The following CRYL1 variants were observed in gnomAD, a reference collection of about 807,000 sequenced individuals.
The protein encoded by CRYL1 is lambda-crystallin homolog.
In CRYL1, 29 loss-of-function variants were observed where a neutral mutation model predicts 36.6. The observed-to-expected ratio is 0.79, with a 90% confidence interval of 0.59 to 1.08. The LOEUF (loss-of-function observed/expected upper bound fraction) is 1.08. Ranked by LOEUF, CRYL1 falls within the 50% of genes least tolerant of loss-of-function variation. CRYL1 has a pLI of 0.00. For missense variants in CRYL1, 411 were observed against 407.9 expected, an observed-to-expected ratio of 1.01 and a Z score of -0.06; for synonymous variants, 152 against 151.5, an observed-to-expected ratio of 1.00 and a Z score of -0.02.
In CRYL1 at chr13:20,435,466, C is replaced by T. The variant is rs139193833; in HGVS notation, c.439-3170G>A. On this transcript the variant is annotated intron_variant, in intron 4 of 7. Transcript: ENST00000298248. This position sits in a 1 kb window ranked among gnomAD's most constrained non-coding sequence, Gnocchi z 4.0. ...GCCGCAAAAGGACCTTCGAGGTCTCCCGGCTGGGAAACAGTCTCCCTAACC... is the reference window on the plus strand; with the variant it reads ...GCCGCAAAAGGACCTTCGAGGTCTCTCGGCTGGGAAACAGTCTCCCTAACC... Among the ~76,000 whole-genome samples, 1 of 152,268 alleles carries T rather than the reference C, an allele frequency of 6.6e-6. No homozygotes were observed. Among genetic ancestry groups the T allele is most frequent in the Non-Finnish European group, 1.5e-5 (1 of 68,008 alleles).
chr13:20,491,777 C>A (rs926427932), intron 2 of CRYL1, among the ~76,000 whole-genome samples: 2 of 151,992 alleles, frequency 1.3e-5, no homozygotes, highest in Non-Finnish European at 2.9e-5. Context: ...GATGACAGAG[C>A]GAGACCCTGT....
intron 3 of CRYL1, 67 bp from the exon 4 acceptor site, chr13:20,439,821 T>C (rs562595467): frequency 6.8e-7 from 1 of 1,462,142 alleles, no homozygotes; most frequent in East Asian, 2.3e-5. Flanking sequence ...AAGCATTTCA[T>C]GTTTGTTTCA....
intron 5 of CRYL1, chr13:20,431,609 A>G: frequency 9.6e-7 from 1 of 1,036,592 alleles, no homozygotes; most frequent in Non-Finnish European, 1.2e-6. Context: ...ATATATTTAC[A>G]TATCATTTCC....
chr13:20,523,695 T>TG (rs1019300066), intron 1 of CRYL1, among the ~76,000 whole-genome samples: 10 of 152,046 alleles, frequency 6.6e-5, no homozygotes, highest in Admixed American at 6.6e-4. Context: ...GAGCTGGGTG[T>TG]GTGCTGAAGT....
intron 3 of CRYL1, among the ~76,000 whole-genome samples, chr13:20,446,187 C>G (rs1036681615): frequency 6.6e-6 from 1 of 152,212 alleles, no homozygotes; most frequent in Admixed American, 6.5e-5. Flanking sequence ...TCTTGGCTCA[C>G]AGCAACCTCC....
intron 3 of CRYL1, among the ~76,000 whole-genome samples, chr13:20,461,457 CT>C (rs1231230151): frequency 2.0e-5 from 3 of 152,090 alleles, no homozygotes; most frequent in African/African-American, 7.2e-5. Context: ...TTTTTCATGT[CT>C]ACTTTTATAT....
At chr13:20,450,489 AG>A (rs2032546695) in intron 3 of CRYL1, among the ~76,000 whole-genome samples, 1 of 151,294 alleles carries the variant, frequency 6.6e-6, no homozygotes, top group African/African-American at 2.4e-5. Context: ...TGAGAATCCT[AG>A]AAAAAAAAAC....
intron 6 of CRYL1, among the ~76,000 whole-genome samples, chr13:20,407,585 C>T (rs7335606): frequency 0.73 from 110,630 of 152,016 alleles, 40,583 homozygotes; most frequent in Admixed American, 0.82. Flanking sequence ...GTCTGCCCTT[C>T]CCCACTATTT....
intron 3 of CRYL1, among the ~76,000 whole-genome samples, chr13:20,448,451 A>G (rs1388636858): frequency 2.6e-5 from 4 of 152,210 alleles, no homozygotes; most frequent in Non-Finnish European, 4.4e-5. Flanking sequence ...AAGGTCAGAG[A>G]ACACAAAGCA....
chr13:20,520,187 A>AATAT (rs1281757482), intron 1 of CRYL1, among the ~76,000 whole-genome samples: 16 of 152,196 alleles, frequency 1.1e-4, no homozygotes, highest in Non-Finnish European at 2.4e-4. Context: ...TAAGAGAGAG[A>AATAT]ATATGGATAG....
intron 3 of CRYL1, among the ~76,000 whole-genome samples, chr13:20,452,927 G>A (rs1337571605): frequency 6.6e-6 from 1 of 152,058 alleles, no homozygotes; most frequent in Admixed American, 6.6e-5. Context: ...TTTCTAAAAT[G>A]TTTAAATTTA....
At chr13:20,414,433 G>A (rs2031605592) in intron 5 of CRYL1, among the ~76,000 whole-genome samples, 1 of 152,072 alleles carries the variant, frequency 6.6e-6, no homozygotes, top group Admixed American at 6.5e-5. Context: ...AGGGGAGCGT[G>A]AGGACGGGGC....
intron 3 of CRYL1, among the ~76,000 whole-genome samples, chr13:20,468,050 G>A (rs928068187): frequency 3.3e-5 from 5 of 152,018 alleles, no homozygotes; most frequent in African/African-American, 1.2e-4. Context: ...GTTTCATCCT[G>A]AAGCCATTCG....
rs1460443577 is a variant in CRYL1 at position 20,435,294 on chromosome 13, T to A, written c.439-2998A>T. Among the ~76,000 whole-genome samples, 1 of 152,092 alleles carries A rather than the reference T, an allele frequency of 6.6e-6. No individual in the cohort carries two copies. The highest frequency in any genetic ancestry group is 1.5e-5 in the Non-Finnish European group (1 of 68,024). On this transcript the variant is annotated intron_variant, in intron 4 of 7. Coordinates refer to ENST00000298248, the MANE Select transcript of CRYL1 (RefSeq NM_015974.3). This position sits in a 1 kb window ranked among gnomAD's most constrained non-coding sequence, Gnocchi z 4.0. Reference sequence around the variant, plus strand: ...TGATCATGCCTTCTCCAACGAAAAATCTTGAAGGGCTGCCCAGCGCCCACT... The same window carrying A: ...TGATCATGCCTTCTCCAACGAAAAAACTTGAAGGGCTGCCCAGCGCCCACT...
chr13:20,427,410 T>G, intron 5 of CRYL1: 3 of 608,136 alleles, frequency 4.9e-6, no homozygotes, highest in Non-Finnish European at 6.2e-6. Context: ...CACGAAGGTC[T>G]AAGGGCTTAC....
intron 4 of CRYL1, among the ~76,000 whole-genome samples, chr13:20,439,177 T>C (rs186661506): frequency 3.6e-4 from 55 of 152,314 alleles, no homozygotes; most frequent in African/African-American, 1.3e-3. Flanking sequence ...GACGTATCTA[T>C]ACAATCCTAC....
At chr13:20,467,511 T>A (rs1030788723) in intron 3 of CRYL1, among the ~76,000 whole-genome samples, 1 of 152,092 alleles carries the variant, frequency 6.6e-6, no homozygotes, top group Non-Finnish European at 1.5e-5. Flanking sequence ...TCATTGAAAA[T>A]GCTATGAGGT....
At chr13:20,446,874 A>G (rs1364373039) in intron 3 of CRYL1, among the ~76,000 whole-genome samples, 1 of 152,222 alleles carries the variant, frequency 6.6e-6, no homozygotes, top group Middle Eastern at 3.2e-3. Flanking sequence ...AGACACTTCA[A>G]AATCTTCATT....
chr13:20,463,854 G>A (rs570508314), intron 3 of CRYL1, among the ~76,000 whole-genome samples: 6 of 152,252 alleles, frequency 3.9e-5, no homozygotes, highest in Middle Eastern at 3.4e-3. Flanking sequence ...TACCGAAAAC[G>A]CACAAATCCT....
Sources: allele counts gnomAD v4.1 joint callset (sites outside exome capture counted in the v4.1 genomes callset), GRCh38; gene constraint gnomAD v4.1.1; non-coding constraint Gnocchi (gnomAD v3.1); transcripts MANE v1.5; gene names NCBI Gene and HGNC (gene_info 2026-07-23, HGNC 2026-07-21).